The following AGBL4 variants were observed in gnomAD, a reference collection of about 807,000 sequenced individuals.
AGBL4 encodes AGBL carboxypeptidase 4, also known as cytosolic carboxypeptidase 6.
A neutral mutation model predicts 66.4 loss-of-function variants in AGBL4; 58 were observed. The observed-to-expected ratio is 0.87, with a 90% CI of 0.71 to 1.09. The LOEUF (loss-of-function observed/expected upper bound fraction) is 1.09, where lower values mean the gene tolerates loss of function less well. AGBL4 is among the 50% of genes least tolerant of loss of function. AGBL4 has a pLI of 0.00. For missense variants in AGBL4, 579 were observed against 631.0 expected, an observed-to-expected ratio of 0.92 and a Z score of 0.88; for synonymous variants, 234 against 222.9, an observed-to-expected ratio of 1.05 and a Z score of -0.44.
rs1460076105 is a variant in AGBL4 at position 48,906,700 on chromosome 1, T to C, written c.595-39470A>G. Among the ~76,000 whole-genome samples, 3 of 152,010 alleles carry C rather than the reference T, an allele frequency of 2.0e-5. No homozygotes were observed. The East Asian group carries it at 5.8e-4, about 29-fold the overall frequency. On this transcript the variant is annotated intron_variant, in intron 5 of 13. Transcript: ENST00000371839. ...GATTTGTGAGAAAGGTAAAAGGAGG[T>C]AAAAATTTATCTAATTTGGTTATTT...
chr1:48,707,736 G>T (rs1163216774), intron 6 of AGBL4, among the ~76,000 whole-genome samples: 2 of 152,146 alleles, frequency 1.3e-5, no homozygotes, highest in African/African-American at 4.8e-5. Flanking sequence ...GAGGTCTCAG[G>T]TCATGAAGTC....
rs778709244 is a variant in AGBL4 at position 48,587,067 on chromosome 1, C to T, written c.1204G>A (p.Val402Ile). Residue 402 changes from valine to isoleucine, a missense_variant, in exon 11 of 14, where the codon GTC (valine) becomes ATC (isoleucine). Val to Ile is a conservative substitution (Grantham distance 29). Coordinates refer to ENST00000371839, the MANE Select transcript of AGBL4 (RefSeq NM_032785.4). The part of the protein sequence containing the change: ...DHTSYCYTLE[V>I]SFYSYIISGT... ...CTGATGATGTAGCTGTAGAAGGAGA[C>T]CTCTAGGGTGTAGCAATAGGAAGTG... 2 of 1,605,396 alleles carry T rather than the reference C, an allele frequency of 1.2e-6. No individual in the cohort carries two copies. Among genetic ancestry groups the T allele is most frequent in the Admixed American group, 1.7e-5 (1 of 58,698 alleles).
chr1:49,208,174 G>A (rs1570072326), intron 4 of AGBL4, among the ~76,000 whole-genome samples: 1 of 152,000 alleles, frequency 6.6e-6, no homozygotes, highest in Admixed American at 6.6e-5. Context: ...ACTGAGGCTA[G>A]GAGAGGTTTG....
intron 1 of AGBL4, among the ~76,000 whole-genome samples, chr1:49,900,507 A>C (rs1008153190): frequency 7.2e-5 from 11 of 152,172 alleles, no homozygotes; most frequent in African/African-American, 2.7e-4. Context: ...AGCCTCCCAA[A>C]GTGCTGGGAT....
intron 4 of AGBL4, among the ~76,000 whole-genome samples, chr1:49,200,631 A>C (rs897112919): frequency 5.9e-5 from 9 of 152,188 alleles, no homozygotes; most frequent in Non-Finnish European, 8.8e-5. Context: ...GGCTCACAGC[A>C]CTGAGAGAAA....
At chr1:48,922,731 TG>T (rs918047090) in intron 5 of AGBL4, among the ~76,000 whole-genome samples, 6 of 152,348 alleles carry the variant, frequency 3.9e-5, no homozygotes, top group African/African-American at 1.4e-4. Context: ...GTAATGTACT[TG>T]AGAACCATTT....
chr1:48,726,463 G>T (rs1053434500), intron 6 of AGBL4, among the ~76,000 whole-genome samples: 2 of 152,082 alleles, frequency 1.3e-5, no homozygotes, highest in African/African-American at 4.8e-5. Flanking sequence ...TAAGTGTCAG[G>T]AACTTTACTT....
chr1:49,380,251 G>A (rs527285546), intron 3 of AGBL4, among the ~76,000 whole-genome samples: 7 of 152,172 alleles, frequency 4.6e-5, no homozygotes, highest in East Asian at 3.9e-4. Flanking sequence ...CCCATTCACA[G>A]TTGCTTCAAA....
At chr1:48,735,617 G>C (rs1648915452) in intron 6 of AGBL4, among the ~76,000 whole-genome samples, 1 of 152,008 alleles carries the variant, frequency 6.6e-6, no homozygotes, top group Non-Finnish European at 1.5e-5. Flanking sequence ...GGAGACAAAT[G>C]ACTCCCTGTC....
At chr1:49,053,592 G>A (rs989856697) in intron 4 of AGBL4, among the ~76,000 whole-genome samples, 2 of 152,150 alleles carry the variant, frequency 1.3e-5, no homozygotes, top group Admixed American at 1.3e-4. Flanking sequence ...GGGAAATAGA[G>A]ACTAAGCAGT....
chr1:48,806,571 A>C (rs17104909), intron 6 of AGBL4, among the ~76,000 whole-genome samples: 10,639 of 152,262 alleles, frequency 0.07, 508 homozygotes, highest in East Asian at 0.17. Context: ...CTTCAAAGTC[A>C]GCCTTTTCCT....
intron 2 of AGBL4, among the ~76,000 whole-genome samples, chr1:49,793,653 T>A (rs1230441019): frequency 6.6e-6 from 1 of 151,660 alleles, no homozygotes; most frequent in Non-Finnish European, 1.5e-5. Context: ...TTGGATCTCA[T>A]TTTTTTTAAT....
intron 6 of AGBL4, among the ~76,000 whole-genome samples, chr1:48,814,883 A>T (rs1246262659): frequency 1.3e-5 from 2 of 152,070 alleles, no homozygotes; most frequent in Non-Finnish European, 2.9e-5. Context: ...TGTCTTTTTG[A>T]TATACTGATT....
chr1:49,992,000 T>C (rs1398224505), intron 1 of AGBL4, among the ~76,000 whole-genome samples: 2 of 152,212 alleles, frequency 1.3e-5, no homozygotes, highest in Non-Finnish European at 1.5e-5. Flanking sequence ...ATAAAGTACC[T>C]AGGAAATAGT....
intron 1 of AGBL4, among the ~76,000 whole-genome samples, chr1:49,864,795 A>ACATCACTGCGGCTGCCTGCTTGCTGT (rs1286423627): frequency 3.3e-5 from 5 of 152,258 alleles, no homozygotes; most frequent in South Asian, 2.1e-4. Flanking sequence ...TGGGTGGCTG[A>ACATCACTGCGGCTGCCTGCTTGCTGT]CATCACTGCG....
At chr1:49,631,871 C>T (rs1286196522) in intron 3 of AGBL4, among the ~76,000 whole-genome samples, 1 of 152,168 alleles carries the variant, frequency 6.6e-6, no homozygotes, top group Admixed American at 6.5e-5. Flanking sequence ...AAAGTCCTTG[C>T]AAGCAGACTC....
intron 9 of AGBL4, among the ~76,000 whole-genome samples, chr1:48,610,985 G>A (rs930815513): frequency 1.3e-5 from 2 of 152,186 alleles, no homozygotes; most frequent in Non-Finnish European, 2.9e-5. Flanking sequence ...TCCTGAGCCA[G>A]TAATATTTAT....
intron 3 of AGBL4, among the ~76,000 whole-genome samples, chr1:49,464,185 A>T (rs1462962220): frequency 1.3e-5 from 2 of 151,806 alleles, no homozygotes; most frequent in African/African-American, 4.8e-5. Flanking sequence ...AGTAGAGGTC[A>T]GAATAAACTT....
intron 3 of AGBL4, among the ~76,000 whole-genome samples, chr1:49,395,581 T>A (rs1409198069): frequency 6.7e-6 from 1 of 149,220 alleles, no homozygotes; most frequent in Non-Finnish European, 1.5e-5. Flanking sequence ...TATATATACA[T>A]GTGTGTGTGT....
Sources: gnomAD v4.1 joint callset for allele counts (sites outside exome capture counted in the v4.1 genomes callset) on GRCh38, gnomAD v4.1.1 for gene constraint, MANE v1.5 for transcripts, NCBI Gene and HGNC (gene_info 2026-07-23, HGNC 2026-07-21) for gene names.